Variants in NEDD1 observed in about 807,000 individuals in gnomAD.
NEDD1 encodes the protein NEDD1 gamma-tubulin ring complex targeting factor, also known as protein NEDD1.
In NEDD1, 33 loss-of-function variants were observed where a neutral mutation model predicts 74.0. The ratio of observed to expected loss-of-function variants is 0.45; its 90% CI spans 0.34 to 0.60. NEDD1 has a LOEUF of 0.60. NEDD1 is among the 20% of genes least tolerant of loss of function. The pLI is 0.01. For missense variants in NEDD1, 746 were observed against 776.5 expected (o/e 0.96, Z 0.47); for synonymous variants, 250 against 264.4 (o/e 0.95, Z 0.53).
At position 96,930,458 on chromosome 12, in the gene NEDD1, G is replaced by A. The variant is rs574743817; in HGVS notation, c.490-4518G>A. Among the ~76,000 whole-genome samples the A allele has an allele frequency of 7.2e-5, 11 of 152,220 alleles. No homozygotes were observed. The South Asian group carries it at 2.1e-3, about 29-fold the overall frequency. ...AAGGGTCTTCTCCTAGAGTAGATGTGCTTAACCCCTTCCAGGACCAAATTG... is the reference window on the plus strand; with the variant it reads ...AAGGGTCTTCTCCTAGAGTAGATGTACTTAACCCCTTCCAGGACCAAATTG... On this transcript the variant is annotated intron_variant, in intron 6 of 15. Coordinates refer to ENST00000266742, the MANE Select transcript of NEDD1 (RefSeq NM_152905.4).
Position 96,907,847 on chromosome 12 carries a change from G to C in NEDD1, c.-18G>C. 1 of 1,362,744 alleles carries C rather than the reference G, an allele frequency of 7.3e-7. No homozygotes were observed. Among genetic ancestry groups the C allele is most frequent in the Non-Finnish European group, 9.5e-7 (1 of 1,055,248 alleles). 84.4% of individuals were successfully genotyped at this position (1,362,744 alleles called of 1,614,324 possible). A position where few individuals can be genotyped will look rare whatever the true frequency, so the allele number is the denominator to read the frequency against. ...TCTCTCCCTTAATGCTCAGTTCTTA[G>C]AAGACCGAGGTAGGTGGGCAGATGG... On this transcript the variant is annotated 5_prime_UTR_variant, in exon 2 of 16. It removes the in-frame stop codon of an upstream open reading frame in the 5' UTR. Coordinates refer to ENST00000266742, the MANE Select transcript of NEDD1 (RefSeq NM_152905.4).
rs11333833 is a variant in NEDD1, at chr12:96,917,598, CTTT to C, written c.232-9_232-7del. On this transcript the variant is annotated intron_variant, in intron 4 of 15. Transcript: ENST00000266742. ...TCTGGGCTCTGTTAAATTAAGGTAA[CTTT>C]TTTTTTTTTTTTTAAATAGCAAAAG... The C allele has an allele frequency of 1.1e-3, 1,521 of 1,349,140 alleles. No homozygotes were observed. Among genetic ancestry groups the C allele is most frequent in the South Asian group, 3.2e-3 (190 of 59,506 alleles). 83.6% of individuals were successfully genotyped at this position (1,349,140 alleles called of 1,614,324 possible). A position where few individuals can be genotyped will look rare whatever the true frequency, so the allele number is the denominator to read the frequency against.
At chr12:96,919,796 A>G (rs749797166) in intron 5 of NEDD1, among the ~76,000 whole-genome samples, 189 bp from the exon 6 acceptor site, 10 of 152,048 alleles carry the variant, frequency 6.6e-5, no homozygotes, top group Non-Finnish European at 1.5e-4. Context: ...CCTGTCCATA[A>G]TCTCTCTCTC....
At chr12:96,927,236 G>A (rs542923396) in intron 6 of NEDD1, among the ~76,000 whole-genome samples, 1 of 152,280 alleles carries the variant, frequency 6.6e-6, no homozygotes, top group Non-Finnish European at 1.5e-5. Context: ...TCAAATTAGT[G>A]TCTTAGTGAA....
At chr12:96,935,375 T>C (rs1403245827) in intron 7 of NEDD1, among the ~76,000 whole-genome samples, 170 bp downstream of exon 7, 1 of 152,174 alleles carries the variant, frequency 6.6e-6, no homozygotes, top group Non-Finnish European at 1.5e-5. Flanking sequence ...AAGAAATAGA[T>C]GGGTTGCAGG....
intron 6 of NEDD1, among the ~76,000 whole-genome samples, chr12:96,930,819 TACAC>T (rs1390416525): frequency 6.6e-6 from 1 of 151,982 alleles, no homozygotes; most frequent in Non-Finnish European, 1.5e-5. Flanking sequence ...TACATACACA[TACAC>T]ACACATACAT....
chr12:96,915,398 C>T (rs576125497), intron 4 of NEDD1, among the ~76,000 whole-genome samples: 1 of 152,274 alleles, frequency 6.6e-6, no homozygotes, highest in East Asian at 1.9e-4. Flanking sequence ...GGATCATATG[C>T]ACCCTTTAAA....
chr12:96,930,103 A>T (rs920298629), intron 6 of NEDD1, among the ~76,000 whole-genome samples: 1 of 150,388 alleles, frequency 6.6e-6, no homozygotes, highest in African/African-American at 2.5e-5. Context: ...TTTGTTGTAA[A>T]TGTTGTCCGT....
At chr12:96,918,076 T>G (rs1025910508) in intron 5 of NEDD1, among the ~76,000 whole-genome samples, 1 of 151,942 alleles carries the variant, frequency 6.6e-6, no homozygotes, top group African/African-American at 2.4e-5. Context: ...GTGGAAAAAA[T>G]GAGAGTTGTT....
rs532483975 is a variant in NEDD1, at chr12:96,949,206, C to T, written c.1812-2226C>T. On this transcript the variant is annotated intron_variant, in intron 14 of 15. Coordinates refer to ENST00000266742, the MANE Select transcript of NEDD1 (RefSeq NM_152905.4). ...ATGAAGAGCTTACCTAGTAGTCTTT[C>T]GTTTGCAAGATCATGGCCCTTCAAG... Among the ~76,000 whole-genome samples the T allele has an allele frequency of 6.6e-5, 10 of 152,270 alleles. No individual in the cohort carries two copies. The East Asian group carries it at 1.2e-3, about 18-fold the overall frequency.
Position 96,936,676 on chromosome 12 carries a change from C to T in NEDD1, c.785C>T (p.Thr262Ile). The T allele has an allele frequency of 1.2e-6, 2 of 1,613,656 alleles. No individual in the cohort carries two copies. The highest frequency in any genetic ancestry group is 2.7e-5 in the African/African-American group (2 of 75,022). ...TAVDFMPDGA[T>I]LAIGSSRGKI... ...GTAGATTTCATGCCTGATGGAGCCACTTTGGCTATTGGATCTTCCCGGGGG... is the reference window on the plus strand; with the variant it reads ...GTAGATTTCATGCCTGATGGAGCCATTTTGGCTATTGGATCTTCCCGGGGG... The change falls in exon 8 of 16, where the codon ACT becomes ATT. Residue 262 changes from threonine to isoleucine, a missense_variant. Physicochemically the swap from Thr to Ile is moderately conservative, Grantham distance 89 (BLOSUM62 -1). Coordinates refer to ENST00000266742, the MANE Select transcript of NEDD1 (RefSeq NM_152905.4).
At chr12:96,949,908 G>C (rs1878544430) in intron 14 of NEDD1, among the ~76,000 whole-genome samples, 1 of 151,972 alleles carries the variant, frequency 6.6e-6, no homozygotes, top group Admixed American at 6.6e-5. Context: ...CTTTATAAAA[G>C]TTTATAACTT....
At chr12:96,928,512 C>T (rs1291868024) in intron 6 of NEDD1, among the ~76,000 whole-genome samples, 1 of 151,902 alleles carries the variant, frequency 6.6e-6, no homozygotes, top group Non-Finnish European at 1.5e-5. Flanking sequence ...TCTTTGGTCT[C>T]AAATGTGTGA....
At chr12:96,912,865 T>A in intron 4 of NEDD1, 48 bp downstream of exon 4, 1 of 947,948 alleles carries the variant, frequency 1.1e-6, no homozygotes, top group Non-Finnish European at 1.7e-6. Context: ...TTAGTTTTGC[T>A]TGACTGGCAA....
chr12:96,938,924 A>G lies in NEDD1; in HGVS notation c.1118-1485A>G, dbSNP rs76977905. 6.8e-3 allele frequency among the ~76,000 whole-genome samples: 1,040 copies of G among 152,080 alleles called. 12 individuals are homozygous for G. Among genetic ancestry groups the G allele is most frequent in the African/African-American group, 0.023 (956 of 41,528 alleles). On this transcript the variant is annotated intron_variant, in intron 9 of 15. Coordinates refer to ENST00000266742, the MANE Select transcript of NEDD1 (RefSeq NM_152905.4). Reference sequence around the variant, plus strand: ...TGTCACTTCCGGCCAGGATGCTTTTAGGCAATTCTCTTAACCTTTCTGGGT... The same window carrying G: ...TGTCACTTCCGGCCAGGATGCTTTTGGGCAATTCTCTTAACCTTTCTGGGT...
intron 6 of NEDD1, among the ~76,000 whole-genome samples, chr12:96,932,257 A>G (rs970316862): frequency 6.7e-6 from 1 of 150,122 alleles, no homozygotes. Context: ...GGAACAAGAT[A>G]GGGAGTTAAT....
chr12:96,924,118 T>C (rs961537667), intron 6 of NEDD1, among the ~76,000 whole-genome samples: 9 of 152,198 alleles, frequency 5.9e-5, no homozygotes, highest in Admixed American at 2.6e-4. Context: ...TGTTATTTAT[T>C]ACAAAGACCA....
In NEDD1 at chr12:96,913,619, G is replaced by A. The variant is rs528144764; in HGVS notation, c.231+802G>A. Among the ~76,000 whole-genome samples, 9 of 152,028 alleles carry A rather than the reference G, an allele frequency of 5.9e-5. No individual in the cohort carries two copies. The South Asian group carries it at 1.0e-3, about 18-fold the overall frequency. On this transcript the variant is annotated intron_variant, in intron 4 of 15. Coordinates refer to ENST00000266742, the MANE Select transcript of NEDD1 (RefSeq NM_152905.4). Reference sequence around the variant, plus strand: ...GAACTCCTGACCTCATGATCCGCCCGCCTCAGCCTCCCAAAGTGCTGGGAT... The same window carrying A: ...GAACTCCTGACCTCATGATCCGCCCACCTCAGCCTCCCAAAGTGCTGGGAT...
chr12:96,923,350 ATG>A (rs1233698342), intron 6 of NEDD1, among the ~76,000 whole-genome samples: 5 of 89,654 alleles, frequency 5.6e-5, no homozygotes, highest in South Asian at 3.5e-4. Context: ...TTTAAGATAC[ATG>A]TTTTTATTTA....
Sources: allele counts gnomAD v4.1 joint callset (sites outside exome capture counted in the v4.1 genomes callset), GRCh38; gene constraint gnomAD v4.1.1; transcripts MANE v1.5; gene names NCBI Gene and HGNC (gene_info 2026-07-23, HGNC 2026-07-21).